Variants in ARSK observed in about 807,000 individuals in gnomAD.
The protein encoded by ARSK is arylsulfatase K.
ARSK carries 37 observed loss-of-function variants against 53.2 expected under a neutral mutation model. The ratio of observed to expected loss-of-function variants is 0.70; its 90% CI spans 0.54 to 0.92. ARSK has a LOEUF of 0.92. ARSK is among the 40% of genes least tolerant of loss of function. ARSK has a pLI of 0.00. For missense variants in ARSK, 613 were observed against 643.0 expected (o/e 0.95, Z 0.51); for synonymous variants, 208 against 223.2 (o/e 0.93, Z 0.61).
rs1748976758 is a variant in ARSK at position 95,579,079 on chromosome 5, G to A, written c.417-3837G>A. The stretch of plus-strand genomic sequence containing the variant: ...AGATAGAATAATTCTCCTATTTATA[G>A]GCTACTGTTGAAGCTCCATTTTGAT... On this transcript the variant is annotated intron_variant, in intron 3 of 7. Transcript: ENST00000380009. Among the ~76,000 whole-genome samples, 9 of 152,066 alleles carry A rather than the reference G, an allele frequency of 5.9e-5. No individual in the cohort carries two copies. The South Asian group carries it at 1.9e-3, about 31-fold the overall frequency.
intron 3 of ARSK, among the ~76,000 whole-genome samples, chr5:95,581,399 A>G (rs1036163492): frequency 2.0e-5 from 3 of 152,156 alleles, no homozygotes; most frequent in South Asian, 2.1e-4. Flanking sequence ...TTTCTTTGAG[A>G]TGGTCTAGAC....
chr5:95,588,701 C>T (rs1354159503), intron 5 of ARSK, among the ~76,000 whole-genome samples: 6 of 152,002 alleles, frequency 3.9e-5, no homozygotes, highest in Admixed American at 6.6e-5. Context: ...TTGTGGCTCA[C>T]GCCTGTAATC....
In ARSK at chr5:95,586,618, T is replaced by C. The variant is rs1465917072; in HGVS notation, c.756T>C (p.Pro252=). 2 of 1,612,546 alleles carry C rather than the reference T, an allele frequency of 1.2e-6. No homozygotes were observed. Among genetic ancestry groups the C allele is most frequent in the South Asian group, 2.2e-5 (2 of 90,740 alleles). The part of the protein sequence containing the change: ...PKWSPLSEMH[P]VDYYSSYTKN... Reference sequence around the variant, plus strand: ...GGTCACCTTTGTCAGAAATGCACCCTGTAGATTATTACTCTTCTTATACAA... The same window carrying C: ...GGTCACCTTTGTCAGAAATGCACCCCGTAGATTATTACTCTTCTTATACAA... The change falls in exon 5 of 8, where the codon CCT becomes CCC. Residue 252 remains proline (P), a synonymous_variant. Transcript: ENST00000380009.
At chr5:95,591,284 C>A in intron 5 of ARSK, 117 bp from the exon 6 acceptor site, 1 of 836,418 alleles carries the variant, frequency 1.2e-6, no homozygotes, top group Non-Finnish European at 1.9e-6. Context: ...AGGTAATATT[C>A]AGATGTTAAG....
chr5:95,586,381 G>A (rs2112436352), intron 4 of ARSK, among the ~76,000 whole-genome samples, 181 bp from the exon 5 acceptor site: 1 of 151,960 alleles, frequency 6.6e-6, no homozygotes, highest in Admixed American at 6.6e-5. Context: ...CTTTTGTTAT[G>A]ACAGTATTAA....
chr5:95,566,609 T>G (rs1275295567), intron 2 of ARSK, among the ~76,000 whole-genome samples: 2 of 152,198 alleles, frequency 1.3e-5, no homozygotes, highest in Non-Finnish European at 2.9e-5. Context: ...TCAATTCACT[T>G]TTATCCCAAG....
At chr5:95,578,023 A>C (rs1018482684) in intron 3 of ARSK, among the ~76,000 whole-genome samples, 1 of 152,204 alleles carries the variant, frequency 6.6e-6, no homozygotes, top group Non-Finnish European at 1.5e-5. Context: ...TCCAACCTGA[A>C]TTTGCCAGGG....
intron 1 of ARSK, chr5:95,556,814 C>T (rs1748527964): frequency 6.6e-6 from 1 of 151,956 alleles, no homozygotes; most frequent in South Asian, 2.1e-4. Flanking sequence ...TCAAGACCAT[C>T]CTGGCTAACA....
intron 3 of ARSK, among the ~76,000 whole-genome samples, chr5:95,574,200 A>G (rs1352375620): frequency 2.0e-5 from 3 of 152,220 alleles, no homozygotes; most frequent in African/African-American, 7.2e-5. Flanking sequence ...ATAGCTGAAT[A>G]GTACTCCATT....
intron 3 of ARSK, among the ~76,000 whole-genome samples, chr5:95,575,474 A>C (rs2112425572): frequency 6.6e-6 from 1 of 152,316 alleles, no homozygotes; most frequent in East Asian, 1.9e-4. Flanking sequence ...TAGTATGGAC[A>C]TTTTAACAAT....
chr5:95,601,014 A>C lies in ARSK; in HGVS notation c.1264A>C (p.Asn422His), dbSNP rs781630344. Residue 422 changes from asparagine (N) to histidine (H), a missense_variant, in exon 7 of 8, where the codon AAC (asparagine) becomes CAC (histidine). Transcript: ENST00000380009. ...TGCCTCCACCTACATGCTTCGAACTAACCACTGGAAATATATAGCCTATTC... is the reference window on the plus strand; with the variant it reads ...TGCCTCCACCTACATGCTTCGAACTCACCACTGGAAATATATAGCCTATTC... ...VNASTYMLRTNHWKYIAYSDG... is the reference protein window; with the variant it reads ...VNASTYMLRTHHWKYIAYSDG... 34 of 1,614,018 alleles carry C rather than the reference A, an allele frequency of 2.1e-5. No individual in the cohort carries two copies. Among genetic ancestry groups the C allele is most frequent in the Non-Finnish European group, 2.8e-5 (33 of 1,179,978 alleles).
At chr5:95,557,535 C>T (rs1340903529) in intron 1 of ARSK, among the ~76,000 whole-genome samples, 1 of 152,142 alleles carries the variant, frequency 6.6e-6, no homozygotes, top group Admixed American at 6.5e-5. Context: ...AGAAATAATG[C>T]TAGTCCTGAG....
At chr5:95,581,701 C>CT (rs1408811284) in intron 3 of ARSK, among the ~76,000 whole-genome samples, 1 of 152,146 alleles carries the variant, frequency 6.6e-6, no homozygotes, top group Non-Finnish European at 1.5e-5. Flanking sequence ...AATTCCACCT[C>CT]TGCAACAATA....
chr5:95,600,608 T>G (rs1047422383), intron 6 of ARSK: 1 of 651,796 alleles, frequency 1.5e-6, no homozygotes. Flanking sequence ...AGTACTGTGG[T>G]CATCCCCTTC....
chr5:95,576,451 C>T (rs550064894), intron 3 of ARSK, among the ~76,000 whole-genome samples: 3 of 151,870 alleles, frequency 2.0e-5, no homozygotes, highest in Non-Finnish European at 4.4e-5. Flanking sequence ...CCCGCCTCGG[C>T]CTCCCAAATT....
intron 2 of ARSK, 142 bp downstream of exon 2, chr5:95,566,269 G>A (rs1394013678): frequency 2.0e-6 from 2 of 1,019,346 alleles, no homozygotes; most frequent in African/African-American, 1.7e-5. Flanking sequence ...TGCATTTTAA[G>A]GTATATATTG....
At chr5:95,577,583 A>G (rs955127310) in intron 3 of ARSK, among the ~76,000 whole-genome samples, 1 of 152,184 alleles carries the variant, frequency 6.6e-6, no homozygotes, top group African/African-American at 2.4e-5. Context: ...AGCTCAGACT[A>G]CATTAAACAT....
At chr5:95,581,019 C>A (rs1255746842) in intron 3 of ARSK, 4 of 851,720 alleles carry the variant, frequency 4.7e-6, no homozygotes, top group South Asian at 1.6e-5. Context: ...TGTTATAACT[C>A]TACTTAAGTA....
rs371590351 is a variant in ARSK at position 95,562,126 on chromosome 5, G to A, written c.127-3872G>A. Among the ~76,000 whole-genome samples the A allele has an allele frequency of 1.6e-4, 25 of 152,256 alleles. No homozygotes were observed. In the South Asian group the frequency reaches 3.7e-3, roughly 23 times the overall value. On this transcript the variant is annotated intron_variant, in intron 1 of 7. Coordinates refer to ENST00000380009, the MANE Select transcript of ARSK (RefSeq NM_198150.3). ...CTCGGGAGGCTGAGTCAGGAGAATC[G>A]CTTAAACCTAGAATACAGAGGTTGC...
Sources: gnomAD v4.1 joint callset for allele counts (sites outside exome capture counted in the v4.1 genomes callset) on GRCh38, gnomAD v4.1.1 for gene constraint, MANE v1.5 for transcripts, NCBI Gene and HGNC (gene_info 2026-07-23, HGNC 2026-07-21) for gene names.